Variants in FGF14 observed in about 807,000 individuals in gnomAD.
FGF14 encodes fibroblast growth factor homologous factor 4.
A neutral mutation model predicts 25.5 loss-of-function variants in FGF14; 5 were observed. The ratio of observed to expected loss-of-function variants is 0.20; its 90% CI spans 0.10 to 0.41. The LOEUF is 0.41. FGF14 is among the 10% of genes least tolerant of loss of function. The pLI is 1.00. For missense variants in FGF14, 222 were observed against 320.1 expected (o/e 0.69, Z 2.34); for synonymous variants, 138 against 118.3 (o/e 1.17, Z -1.08).
intron 3 of FGF14, among the ~76,000 whole-genome samples, chr13:101,801,163 G>A (rs1335963717): frequency 1.3e-5 from 2 of 152,084 alleles, no homozygotes; most frequent in Admixed American, 6.6e-5. Context: ...TTTTCTTCAC[G>A]TGATTGAAAC....
At position 102,047,629 on chromosome 13, in the gene FGF14, C is replaced by T. The variant is rs145835437; in HGVS notation, c.209-172333G>A. Among the ~76,000 whole-genome samples the T allele has an allele frequency of 7.6e-3, 1,147 of 150,004 alleles. 29 individuals carry two copies. Among genetic ancestry groups the T allele is most frequent in the Admixed American group, 0.042 (636 of 15,010 alleles). ...TCACTCATAGGTGGGAATTGAACAA[C>T]GAGAACACATGGACACAGGAAGGGG... is the stretch of plus-strand genomic sequence containing the variant. On this transcript the variant is annotated intron_variant, in intron 1 of 4. Coordinates refer to the FGF14 transcript ENST00000376131.
In FGF14 at chr13:102,167,292, T is replaced by C. The variant is rs7326721; in HGVS notation, c.208+234179A>G. 5.1e-3 allele frequency among the ~76,000 whole-genome samples: 659 copies of C among 128,288 alleles called. 2 individuals carry two copies. Among genetic ancestry groups the C allele is most frequent in the African/African-American group, 0.019 (617 of 31,680 alleles). 84.2% of individuals were successfully genotyped at this position (128,288 alleles called of 152,430 possible). Reference sequence around the variant, plus strand: ...GGCAGAGGTTGCAGTGAGCCGAGATTGCACCATTGCACTCCATCTCAAAAA... The same window carrying C: ...GGCAGAGGTTGCAGTGAGCCGAGATCGCACCATTGCACTCCATCTCAAAAA... On this transcript the variant is annotated intron_variant, in intron 1 of 4. Coordinates refer to the FGF14 transcript ENST00000376131.
intron 3 of FGF14, among the ~76,000 whole-genome samples, chr13:101,769,654 C>A (rs898631180): frequency 1.3e-5 from 2 of 148,154 alleles, no homozygotes; most frequent in Admixed American, 1.3e-4. Context: ...AATCCATGAA[C>A]AGACATGGAA....
At chr13:101,917,249 T>A (rs759255503), upstream of FGF14, among the ~76,000 whole-genome samples, 8 of 152,056 alleles carry the variant, frequency 5.3e-5, no homozygotes, top group Non-Finnish European at 8.8e-5. Flanking sequence ...GAGAGACCAA[T>A]CTTCTCCCCT....
chr13:101,834,854 G>T (rs987823620), intron 3 of FGF14, among the ~76,000 whole-genome samples: 4 of 152,066 alleles, frequency 2.6e-5, no homozygotes, highest in African/African-American at 7.2e-5. Context: ...TAAGTATTCT[G>T]GTTAAGATGT....
intron 3 of FGF14, among the ~76,000 whole-genome samples, chr13:101,749,386 T>C (rs2037121487): frequency 6.6e-6 from 1 of 152,086 alleles, no homozygotes; most frequent in Non-Finnish European, 1.5e-5. Context: ...TAGAGAATTA[T>C]ACAGAGCAAA....
intron 1 of FGF14, among the ~76,000 whole-genome samples, chr13:102,281,450 G>C (rs1014562207): frequency 3.3e-5 from 5 of 152,072 alleles, no homozygotes; most frequent in Non-Finnish European, 7.4e-5. Flanking sequence ...CCTCCTCACA[G>C]TTATCCACTC....
At chr13:102,391,360 C>A (rs2058428772) in intron 1 of FGF14, among the ~76,000 whole-genome samples, 1 of 152,058 alleles carries the variant, frequency 6.6e-6, no homozygotes, top group African/African-American at 2.4e-5. Context: ...CAGTTAGTAT[C>A]CCCCATACAG....
chr13:102,188,641 T>C (rs975034294), intron 1 of FGF14, among the ~76,000 whole-genome samples: 1 of 151,960 alleles, frequency 6.6e-6, no homozygotes, highest in Admixed American at 6.6e-5. Flanking sequence ...AGAAATAGCA[T>C]AAGAAAATGA....
At chr13:101,921,637 TC>T (rs1009723092), upstream of FGF14, among the ~76,000 whole-genome samples, 2 of 152,154 alleles carry the variant, frequency 1.3e-5, no homozygotes, top group African/African-American at 4.8e-5. Context: ...AACTACGAAA[TC>T]CCATACTTCA....
intron 3 of FGF14, among the ~76,000 whole-genome samples, chr13:101,735,816 C>G (rs9518502): frequency 0.033 from 5,058 of 152,222 alleles, 134 homozygotes; most frequent in Non-Finnish European, 0.05. Flanking sequence ...CTCAAAGGTA[C>G]ATTTCTTGGG....
At chr13:101,808,398 T>C (rs2041319035) in intron 3 of FGF14, among the ~76,000 whole-genome samples, 2 of 152,260 alleles carry the variant, frequency 1.3e-5, no homozygotes, top group South Asian at 4.1e-4. Context: ...AGAAATGAAA[T>C]GTGCATTAAT....
chr13:101,773,203 G>A (rs570574197), intron 3 of FGF14, among the ~76,000 whole-genome samples: 57 of 152,122 alleles, frequency 3.7e-4, no homozygotes, highest in South Asian at 1.5e-3. Context: ...ACTCAGCCTC[G>A]CATTTTAAAA....
At chr13:101,768,099 G>A (rs1421763829) in intron 3 of FGF14, among the ~76,000 whole-genome samples, 2 of 151,344 alleles carry the variant, frequency 1.3e-5, no homozygotes, top group African/African-American at 2.4e-5. Flanking sequence ...GTGTCAACAG[G>A]GAAATCTCTA....
At chr13:101,975,646 A>G (rs1280674200) in intron 1 of FGF14, among the ~76,000 whole-genome samples, 1 of 152,194 alleles carries the variant, frequency 6.6e-6, no homozygotes, top group Non-Finnish European at 1.5e-5. Flanking sequence ...CAGGGTTTTA[A>G]ATGTCTGTCA....
At chr13:102,109,108 T>C (rs537003382) in intron 1 of FGF14, among the ~76,000 whole-genome samples, 1 of 152,354 alleles carries the variant, frequency 6.6e-6, no homozygotes, top group Non-Finnish European at 1.5e-5. Flanking sequence ...AGGTCTTTCA[T>C]CACATTTTCA....
chr13:101,990,676 T>C (rs1594923203), intron 1 of FGF14, among the ~76,000 whole-genome samples: 1 of 152,082 alleles, frequency 6.6e-6, no homozygotes, highest in African/African-American at 2.4e-5. Context: ...GCAGGCTCTC[T>C]ATGCACAGGT....
At chr13:102,356,161 A>G (rs768892436) in intron 1 of FGF14, among the ~76,000 whole-genome samples, 3 of 152,254 alleles carry the variant, frequency 2.0e-5, no homozygotes, top group South Asian at 2.1e-4. Context: ...CAAAGGTCAA[A>G]GAAAGGAGAC....
chr13:102,274,303 C>G (rs963224486), intron 1 of FGF14, among the ~76,000 whole-genome samples: 1 of 152,170 alleles, frequency 6.6e-6, no homozygotes, highest in African/African-American at 2.4e-5. Flanking sequence ...GCACCTATAC[C>G]TCTGAGTGTC....
Sources: allele counts gnomAD v4.1 joint callset (sites outside exome capture counted in the v4.1 genomes callset), GRCh38; gene constraint gnomAD v4.1.1; transcripts MANE v1.5; gene names NCBI Gene and HGNC (gene_info 2026-07-23, HGNC 2026-07-21).